SAMD5: variants seen among roughly 807,000 people sequenced by gnomAD.
SAMD5 encodes the protein sterile alpha motif domain containing 5.
Under a neutral mutation model 11.3 loss-of-function variants are expected in SAMD5, and 13 were observed. That is an observed-to-expected ratio of 1.15 (90% CI 0.75 to 1.83). SAMD5 has a LOEUF of 1.83. Among genes scored for constraint, SAMD5 ranks in the 40% most tolerant of loss-of-function variants. The pLI, the probability that SAMD5 is intolerant of heterozygous loss-of-function variation, is 0.00. For missense variants in SAMD5, 255 were observed against 239.1 expected (o/e 1.07, Z -0.44); for synonymous variants, 129 against 111.3 (o/e 1.16, Z -1.00).
At chr6:147,864,055 G>T in the SAMD5 span, among the ~76,000 whole-genome samples, 1 of 151,804 alleles carries the variant, frequency 6.6e-6, no homozygotes, top group Non-Finnish European at 1.5e-5. Context: ...TGTTGGCCAG[G>T]CTGGTCTCAA....
chr6:147,720,084 T>G (rs1791526018), intron 1 of SAMD5, among the ~76,000 whole-genome samples: 1 of 152,206 alleles, frequency 6.6e-6, no homozygotes, highest in Admixed American at 6.5e-5. Flanking sequence ...TTGCAATGAC[T>G]GTATAAACAC....
chr6:147,918,688 CTTTT>C, the SAMD5 span, among the ~76,000 whole-genome samples: 5 of 99,446 alleles, frequency 5.0e-5, no homozygotes, highest in African/African-American at 1.2e-4. Context: ...CACAAGCATT[CTTTT>C]TTTTTTTTTT....
At chr6:147,596,988 T>C (rs1275505028) in intron 1 of SAMD5, among the ~76,000 whole-genome samples, 2 of 152,218 alleles carry the variant, frequency 1.3e-5, no homozygotes, top group Non-Finnish European at 2.9e-5. Flanking sequence ...GACTTTTCTC[T>C]TGTGCCTTAA....
chr6:147,702,817 ATG>A (rs147257150), intron 1 of SAMD5, among the ~76,000 whole-genome samples: 16 of 150,006 alleles, frequency 1.1e-4, no homozygotes, highest in Non-Finnish European at 2.2e-4. Context: ...CTATTTGTAT[ATG>A]TGTGTGTGTG....
At chr6:147,774,567 G>T in the SAMD5 span, among the ~76,000 whole-genome samples, 3 of 151,594 alleles carry the variant, frequency 2.0e-5, no homozygotes, top group Non-Finnish European at 2.9e-5. Context: ...ATACTGTATT[G>T]GTCTTTTCTC....
the SAMD5 span, among the ~76,000 whole-genome samples, chr6:147,898,605 C>T: frequency 2.0e-5 from 3 of 152,156 alleles, no homozygotes; most frequent in Non-Finnish European, 4.4e-5. Context: ...ATTTCTGACT[C>T]AGGAAATATT....
At chr6:147,874,043 G>A in the SAMD5 span, among the ~76,000 whole-genome samples, 1 of 152,184 alleles carries the variant, frequency 6.6e-6, no homozygotes, top group Non-Finnish European at 1.5e-5. Flanking sequence ...CATGTATATA[G>A]GAGAAATCTG....
chr6:147,718,516 A>G (rs1258303221), intron 1 of SAMD5, among the ~76,000 whole-genome samples: 1 of 152,164 alleles, frequency 6.6e-6, no homozygotes, highest in Non-Finnish European at 1.5e-5. Flanking sequence ...CAAGGTTTAA[A>G]ATTTTCCACA....
chr6:147,725,630 C>A lies in SAMD5; in HGVS notation c.163-11687C>A, dbSNP rs1791615555. Among the ~76,000 whole-genome samples, 3 of 152,164 alleles carry A rather than the reference C, an allele frequency of 2.0e-5. No homozygotes were observed. The South Asian group carries it at 6.2e-4, about 32-fold the overall frequency. On this transcript the variant is annotated intron_variant, in intron 1 of 1. Transcript: ENST00000566741. The stretch of plus-strand genomic sequence containing the variant: ...TCTCGAACTCCTGACCTCAGGTGAT[C>A]CACCCGCCTTGGCCTCCCAAAGTTC...
chr6:147,749,438 G>C, the SAMD5 span, among the ~76,000 whole-genome samples: 1 of 152,224 alleles, frequency 6.6e-6, no homozygotes, highest in Non-Finnish European at 1.5e-5. Flanking sequence ...AGAGTGCTGG[G>C]ATTACAGGTG....
intron 1 of SAMD5, among the ~76,000 whole-genome samples, chr6:147,615,072 T>C (rs1789845679): frequency 1.3e-5 from 2 of 151,992 alleles, no homozygotes; most frequent in African/African-American, 4.8e-5. Flanking sequence ...TAGAGATGAT[T>C]TGAAGTATAT....
chr6:147,872,609 A>C, the SAMD5 span, among the ~76,000 whole-genome samples: 1 of 152,186 alleles, frequency 6.6e-6, no homozygotes, highest in African/African-American at 2.4e-5. Flanking sequence ...TCATGTTTGC[A>C]TCACTCCTCT....
At chr6:147,794,162 T>G in the SAMD5 span, among the ~76,000 whole-genome samples, 1 of 152,164 alleles carries the variant, frequency 6.6e-6, no homozygotes, top group Non-Finnish European at 1.5e-5. Context: ...TGAATAAATT[T>G]GAATATTTAA....
At chr6:147,763,607 G>A in the SAMD5 span, among the ~76,000 whole-genome samples, 9 of 152,066 alleles carry the variant, frequency 5.9e-5, no homozygotes, top group African/African-American at 2.2e-4. Context: ...TTGAGACAGA[G>A]CCTTGCTCTG....
the SAMD5 span, among the ~76,000 whole-genome samples, chr6:147,857,840 G>T: frequency 6.6e-6 from 1 of 152,174 alleles, no homozygotes; most frequent in African/African-American, 2.4e-5. Context: ...TTACAGCAAA[G>T]AACTTTTTGG....
At chr6:147,552,188 C>A (rs1217279557) in intron 1 of SAMD5, among the ~76,000 whole-genome samples, 1 of 152,030 alleles carries the variant, frequency 6.6e-6, no homozygotes, top group Non-Finnish European at 1.5e-5. Flanking sequence ...AAGGAGTAAA[C>A]AATGAAATGT....
chr6:147,548,828 G>A (rs1403015088), intron 1 of SAMD5, among the ~76,000 whole-genome samples: 1 of 152,108 alleles, frequency 6.6e-6, no homozygotes, highest in African/African-American at 2.4e-5. Context: ...TGAAGGCAGA[G>A]TATGACAGAT....
intron 1 of SAMD5, among the ~76,000 whole-genome samples, chr6:147,645,219 G>A (rs561434370): frequency 1.6e-4 from 24 of 152,270 alleles, no homozygotes; most frequent in African/African-American, 5.5e-4. Flanking sequence ...CATGTGCAAG[G>A]AGGGATGACA....
the SAMD5 span, among the ~76,000 whole-genome samples, chr6:147,830,888 C>T: frequency 5.7e-3 from 867 of 152,256 alleles, 12 homozygotes; most frequent in African/African-American, 0.02. Flanking sequence ...TCTTGCTAGG[C>T]AGTTTTTTCC....
Sources: allele counts gnomAD v4.1 joint callset (sites outside exome capture counted in the v4.1 genomes callset), GRCh38; gene constraint gnomAD v4.1.1; transcripts MANE v1.5; gene names NCBI Gene and HGNC (gene_info 2026-07-23, HGNC 2026-07-21).